Variants in KIF26B observed in about 807,000 individuals in gnomAD.
KIF26B encodes the protein kinesin-like protein KIF26B.
Under a neutral mutation model 151.2 loss-of-function variants are expected in KIF26B, and 63 were observed. The ratio of observed to expected loss-of-function variants is 0.42; its 90% CI spans 0.34 to 0.51. The LOEUF (loss-of-function observed/expected upper bound fraction) is 0.51, where lower values mean the gene tolerates loss of function less well. Among genes scored for constraint, KIF26B ranks in the 20% least tolerant of loss-of-function variants. The pLI, the probability that KIF26B is intolerant of heterozygous loss-of-function variation, is 0.07. For missense variants in KIF26B, 2,813 were observed against 2,913.6 expected (o/e 0.97, Z 0.79); for synonymous variants, 1,357 against 1,262.1 (o/e 1.08, Z -1.59).
intron 2 of KIF26B, among the ~76,000 whole-genome samples, chr1:245,231,689 G>A (rs960385505): frequency 6.6e-6 from 1 of 151,982 alleles, no homozygotes; most frequent in African/African-American, 2.4e-5. Context: ...AGGAGGAGGA[G>A]GATAAGGAGG....
At chr1:245,459,828 A>G (rs79173420) in intron 4 of KIF26B, among the ~76,000 whole-genome samples, 1 of 152,128 alleles carries the variant, frequency 6.6e-6, no homozygotes, top group African/African-American at 2.4e-5. Context: ...AGTCTCTGAA[A>G]TGTGCACCTG....
chr1:245,532,584 C>T (rs1434227185), intron 4 of KIF26B, among the ~76,000 whole-genome samples: 1 of 152,086 alleles, frequency 6.6e-6, no homozygotes, highest in Admixed American at 6.5e-5. Context: ...TAACTCTGTG[C>T]ATTAACATGC....
At chr1:245,247,288 TAA>T (rs769748932) in intron 2 of KIF26B, among the ~76,000 whole-genome samples, 35 of 116,670 alleles carry the variant, frequency 3.0e-4, no homozygotes, top group Middle Eastern at 4.3e-3. Context: ...TCATCTCTAC[TAA>T]AAAAAAAAAA....
At chr1:245,462,334 C>T (rs1357533389) in intron 4 of KIF26B, among the ~76,000 whole-genome samples, 1 of 152,024 alleles carries the variant, frequency 6.6e-6, no homozygotes, top group African/African-American at 2.4e-5. Context: ...GAAAGAATGC[C>T]GCCATTACAT....
Position 245,684,276 on chromosome 1 carries a change from A to G in KIF26B, c.2302A>G (p.Met768Val). Reference protein sequence around the residue: ...AMLLRESLGNMNCRTTMIAHI... With the variant: ...AMLLRESLGNVNCRTTMIAHI... ...GTTGCTGCGGGAGTCTCTGGGGAAC[A>G]TGAACTGCCGTACCACCATGATCGC... The change falls in exon 11 of 15, where the codon ATG becomes GTG. Residue 768 changes from methionine to valine, a missense_variant. Physicochemically the swap from Met to Val is conservative, Grantham distance 21. This residue lies in a region of KIF26B where 2,060 missense variants were observed against 2,088.6 expected (regional missense o/e 0.99). Transcript: ENST00000407071. The G allele has an allele frequency of 1.2e-6, 2 of 1,613,926 alleles. No individual in the cohort carries two copies. Among genetic ancestry groups the G allele is most frequent in the Middle Eastern group, 1.6e-4 (1 of 6,062 alleles).
rs180965020 is a variant in KIF26B at position 245,249,988 on chromosome 1, C to G, written c.465+93305C>G. The stretch of plus-strand genomic sequence containing the variant: ...GTGTTAAAAATTATCCTCCAAATAT[C>G]TATCAAATTTTAAAAATTATGAAAC... On this transcript the variant is annotated intron_variant, in intron 2 of 14. Coordinates refer to ENST00000407071, the MANE Select transcript of KIF26B (RefSeq NM_018012.4). 1.9e-3 allele frequency among the ~76,000 whole-genome samples: 283 copies of G among 152,192 alleles called. 1 individual carries two copies. Among genetic ancestry groups the G allele is most frequent in the African/African-American group, 5.4e-3 (224 of 41,530 alleles).
intron 9 of KIF26B, among the ~76,000 whole-genome samples, chr1:245,645,564 G>T (rs1412523133): frequency 6.6e-6 from 1 of 152,210 alleles, no homozygotes; most frequent in South Asian, 2.1e-4. Flanking sequence ...ACTGATGTTT[G>T]TACAGCACCT....
chr1:245,407,554 T>C (rs1674167077), intron 3 of KIF26B, among the ~76,000 whole-genome samples: 2 of 152,188 alleles, frequency 1.3e-5, no homozygotes, highest in African/African-American at 4.8e-5. Flanking sequence ...TACCACTATA[T>C]TGAATTATGT....
At chr1:245,401,949 CA>C (rs1267570293) in intron 3 of KIF26B, among the ~76,000 whole-genome samples, 2 of 151,706 alleles carry the variant, frequency 1.3e-5, no homozygotes, top group Admixed American at 6.6e-5. Context: ...ACAACAACAA[CA>C]AAAAAAACAC....
chr1:245,415,253 C>A (rs1245857910), intron 3 of KIF26B, among the ~76,000 whole-genome samples: 1 of 152,098 alleles, frequency 6.6e-6, no homozygotes, highest in Non-Finnish European at 1.5e-5. Context: ...ACACTGTCAC[C>A]GTTTCAGAGA....
chr1:245,346,160 G>C (rs568637430), intron 2 of KIF26B, among the ~76,000 whole-genome samples: 1 of 152,050 alleles, frequency 6.6e-6, no homozygotes, highest in African/African-American at 2.4e-5. Context: ...GGCCAGGCTG[G>C]TCTTGAACTC....
At chr1:245,624,405 C>G (rs2103166482) in intron 9 of KIF26B, among the ~76,000 whole-genome samples, 1 of 152,270 alleles carries the variant, frequency 6.6e-6, no homozygotes, top group South Asian at 2.1e-4. Context: ...TCCCGTTCCT[C>G]CATACCCCCA....
rs142200311 is a variant in KIF26B, at chr1:245,463,347, A to G, written c.1166+43602A>G. 6.6e-3 allele frequency among the ~76,000 whole-genome samples: 1,011 copies of G among 152,326 alleles called. 10 individuals carry two copies. The highest frequency in any genetic ancestry group is 0.023 in the African/African-American group (965 of 41,576). On this transcript the variant is annotated intron_variant, in intron 4 of 14. Coordinates refer to ENST00000407071, the MANE Select transcript of KIF26B (RefSeq NM_018012.4). ...GATCTCATGGCTAAGAAGTGGCAGAACCAGGATTCATGCAATGGTGTGGCC... is the reference window on the plus strand; with the variant it reads ...GATCTCATGGCTAAGAAGTGGCAGAGCCAGGATTCATGCAATGGTGTGGCC...
Position 245,166,749 on chromosome 1 carries a change from A to G in KIF26B, c.465+10066A>G, listed in dbSNP as rs1668621157. Among the ~76,000 whole-genome samples, 1 of 152,094 alleles carries G rather than the reference A, an allele frequency of 6.6e-6. No homozygotes were observed. Among genetic ancestry groups the G allele is most frequent in the Non-Finnish European group, 1.5e-5 (1 of 68,030 alleles). ...TTTGCAGTTGTACTTTGCTGATCCT[A>G]TCACATCGATTCCAACCAGACCCCA... On this transcript the variant is annotated intron_variant, in intron 2 of 14. Coordinates refer to ENST00000407071, the MANE Select transcript of KIF26B (RefSeq NM_018012.4). The surrounding 1 kb of genome is among the most constrained non-coding windows in gnomAD (Gnocchi z 4.5).
In KIF26B at chr1:245,314,452, G is replaced by A. The variant is rs143961943; in HGVS notation, c.466-52382G>A. 4.6e-3 allele frequency among the ~76,000 whole-genome samples: 694 copies of A among 152,014 alleles called. 3 individuals carry two copies. Among genetic ancestry groups the A allele is most frequent in the African/African-American group, 0.014 (571 of 41,462 alleles). ...GGGCGACAGAGCGAGACTCTGTCTC[G>A]AAAAAAAGAAAAAGCAAACAAACAA... On this transcript the variant is annotated intron_variant, in intron 2 of 14. Coordinates refer to ENST00000407071, the MANE Select transcript of KIF26B (RefSeq NM_018012.4).
chr1:245,341,855 G>T (rs901092375), intron 2 of KIF26B, among the ~76,000 whole-genome samples: 1 of 152,228 alleles, frequency 6.6e-6, no homozygotes. Context: ...CAGCTGTGCA[G>T]TGTCTAAGCT....
intron 4 of KIF26B, among the ~76,000 whole-genome samples, chr1:245,482,451 G>T (rs116051386): frequency 0.013 from 2,020 of 151,848 alleles, 50 homozygotes; most frequent in African/African-American, 0.045. Flanking sequence ...ATTAGAACTA[G>T]ACGAGTATTC....
chr1:245,242,265 C>T (rs11803603), intron 2 of KIF26B, among the ~76,000 whole-genome samples: 3,162 of 152,262 alleles, frequency 0.021, 49 homozygotes, highest in African/African-American at 0.049. Context: ...ATTGAATGTC[C>T]GGCATTAGCG....
At position 245,643,572 on chromosome 1, in the gene KIF26B, G is replaced by A. The variant is rs548734658; in HGVS notation, c.2099-2549G>A. On this transcript the variant is annotated intron_variant, in intron 9 of 14. Coordinates refer to ENST00000407071, the MANE Select transcript of KIF26B (RefSeq NM_018012.4). ...TGTCATCATTCACACGTTACATTAT[G>A]ATTTTTGTTTTAATAATAATCTTTT... is the stretch of plus-strand genomic sequence containing the variant. Among the ~76,000 whole-genome samples, 33 of 152,148 alleles carry A rather than the reference G, an allele frequency of 2.2e-4. 1 individual carries two copies. The South Asian group carries it at 6.4e-3, about 30-fold the overall frequency.
Sources: gnomAD v4.1 joint callset for allele counts (sites outside exome capture counted in the v4.1 genomes callset) on GRCh38, gnomAD v4.1.1 for gene constraint, gnomAD v4.1.1 regional missense constraint, Gnocchi (gnomAD v3.1) non-coding constraint, MANE v1.5 for transcripts, NCBI Gene and HGNC (gene_info 2026-07-23, HGNC 2026-07-21) for gene names.